DSTYK: variants seen among roughly 807,000 people sequenced by gnomAD.
DSTYK encodes dual serine/threonine and tyrosine protein kinase, also known as RIP-homologous kinase.
Under a neutral mutation model 98.7 loss-of-function variants are expected in DSTYK, and 34 were observed. That is an observed-to-expected ratio of 0.34 (90% CI 0.26 to 0.46). The LOEUF (loss-of-function observed/expected upper bound fraction) is 0.46. DSTYK is among the 20% of genes least tolerant of loss of function. The pLI is 1.00. For missense variants in DSTYK, 962 were observed against 1,181.7 expected (o/e 0.81, Z 2.73); for synonymous variants, 462 against 457.3 (o/e 1.01, Z -0.13).
chr1:205,154,056 CGTGT>C (rs34909035), intron 10 of DSTYK, among the ~76,000 whole-genome samples: 3,476 of 143,142 alleles, frequency 0.024, 87 homozygotes, highest in African/African-American at 0.069. Context: ...AGTATGCACA[CGTGT>C]GTGTGTGTGT....
Position 205,160,240 on chromosome 1 carries a change from C to T in DSTYK, c.1979G>A (p.Arg660Gln), listed in dbSNP as rs1035239987. ...CAGGTATACCACACCATACTGGCCCCGGCCCAGTTCCTGTCCCAGTTTAGG... is the reference window on the plus strand; with the variant it reads ...CAGGTATACCACACCATACTGGCCCTGGCCCAGTTCCTGTCCCAGTTTAGG... ...RKPKLGQELG[R>Q]GQYGVVYLCD... The change falls in exon 8 of 13, where the codon CGG (arginine) becomes CAG (glutamine). Residue 660 changes from arginine (R) to glutamine (Q), a missense_variant. Physicochemically the swap from Arg to Gln is conservative, Grantham distance 43. This residue lies in a region of DSTYK where 660 missense variants were observed against 855.0 expected (regional missense o/e 0.77). Transcript: ENST00000367162. 9 of 1,614,122 alleles carry T rather than the reference C, an allele frequency of 5.6e-6. No homozygotes were observed. The highest frequency in any genetic ancestry group is 1.1e-5 in the South Asian group (1 of 91,080).
At chr1:205,170,611 C>T (rs192284467) in intron 2 of DSTYK, among the ~76,000 whole-genome samples, 228 of 152,176 alleles carry the variant, frequency 1.5e-3, no homozygotes, top group African/African-American at 5.1e-3. Flanking sequence ...GTAGATATCC[C>T]GAAGTCTTAG....
At chr1:205,177,616 C>T (rs1237761763) in intron 2 of DSTYK, among the ~76,000 whole-genome samples, 1 of 152,122 alleles carries the variant, frequency 6.6e-6, no homozygotes, top group Non-Finnish European at 1.5e-5. Flanking sequence ...CCTGTAATCC[C>T]AGCACTTTGG....
chr1:205,148,838 A>G (rs1376825399), intron 11 of DSTYK, among the ~76,000 whole-genome samples: 2 of 152,146 alleles, frequency 1.3e-5, no homozygotes, highest in Non-Finnish European at 2.9e-5. Flanking sequence ...ACTGTAATAG[A>G]AACAATAAAA....
At chr1:205,200,192 G>A (rs1251746171) in intron 1 of DSTYK, among the ~76,000 whole-genome samples, 8 of 151,732 alleles carry the variant, frequency 5.3e-5, no homozygotes, top group African/African-American at 2.4e-5. Context: ...GCCTACCACC[G>A]CGACCAGATG....
chr1:205,209,883 T>TTTATTATTA lies in DSTYK; in HGVS notation c.265+1379_265+1387dup, dbSNP rs1424802830. Among the ~76,000 whole-genome samples, 140 of 149,170 alleles carry TTTATTATTA rather than the reference T, an allele frequency of 9.4e-4. 1 individual carries two copies. Among genetic ancestry groups the TTTATTATTA allele is most frequent in the African/African-American group, 3.4e-3 (135 of 39,980 alleles). ...ACCTGCATCACCTTCCCCAGTGTCT[T>TTTATTATTA]TTATTATTACTATTATTATTATTAT... On this transcript the variant is annotated intron_variant, in intron 1 of 12. Coordinates refer to ENST00000367162, the MANE Select transcript of DSTYK (RefSeq NM_015375.3).
chr1:205,182,685 GA>G (rs200394028), intron 2 of DSTYK, among the ~76,000 whole-genome samples: 3,587 of 151,600 alleles, frequency 0.024, 58 homozygotes, highest in East Asian at 0.068. Flanking sequence ...AGGCACCTGT[GA>G]TCCCAGATAC....
At chr1:205,180,014 T>G (rs1387910428) in intron 2 of DSTYK, among the ~76,000 whole-genome samples, 1 of 152,222 alleles carries the variant, frequency 6.6e-6, no homozygotes, top group African/African-American at 2.4e-5. Flanking sequence ...CTGTGACTGC[T>G]GTCAGATTTT....
chr1:205,163,029 A>C, intron 4 of DSTYK, 23 bp from the exon 5 acceptor site: 1 of 1,588,118 alleles, frequency 6.3e-7, no homozygotes, highest in Non-Finnish European at 8.6e-7. Flanking sequence ...ACGCCAAAGA[A>C]AACATGTCCT....
chr1:205,173,553 A>G (rs901980863), intron 2 of DSTYK, among the ~76,000 whole-genome samples: 4 of 152,196 alleles, frequency 2.6e-5, no homozygotes, highest in African/African-American at 9.6e-5. Flanking sequence ...CTAAATATTC[A>G]AAACCAAAGT....
intron 2 of DSTYK, among the ~76,000 whole-genome samples, chr1:205,170,629 A>C (rs1217522217): frequency 1.3e-5 from 2 of 152,180 alleles, no homozygotes; most frequent in Admixed American, 6.5e-5. Context: ...TAGCAACCTA[A>C]GTCTAAGAAA....
At chr1:205,202,208 T>C (rs921947282) in intron 1 of DSTYK, 1 of 572,776 alleles carries the variant, frequency 1.7e-6, no homozygotes, top group Non-Finnish European at 3.5e-6. Context: ...GCTATTCACT[T>C]GACCCAGAGA....
Position 205,160,313 on chromosome 1 carries a change from C to A in DSTYK, c.1949-43G>T, listed in dbSNP as rs757270071. On this transcript the variant is annotated intron_variant, in intron 7 of 12. Transcript: ENST00000367162. ...AGAGATAAGGCAGGAGGAATGGGAA[C>A]TTCGTGGGCAACCTCTGTAAGATTC... 5.8e-6 allele frequency: 9 copies of A among 1,549,956 alleles called. No individual in the cohort carries two copies. The East Asian group carries it at 1.6e-4, about 27-fold the overall frequency.
At chr1:205,179,116 G>C (rs1658318693) in intron 2 of DSTYK, among the ~76,000 whole-genome samples, 3 of 150,372 alleles carry the variant, frequency 2.0e-5, no homozygotes, top group Non-Finnish European at 4.4e-5. Flanking sequence ...GCGACAAAGT[G>C]AGATACTGTC....
At chr1:205,148,110 G>A in intron 12 of DSTYK, 95 bp downstream of exon 12, 2 of 1,484,844 alleles carry the variant, frequency 1.3e-6, no homozygotes, top group Non-Finnish European at 1.9e-6. Context: ...GCTATGGAGT[G>A]GCCAGATGGG....
chr1:205,150,349 T>C lies in DSTYK; in HGVS notation c.2467+331A>G, dbSNP rs1215898761. Among the ~76,000 whole-genome samples the C allele has an allele frequency of 6.6e-6, 1 of 152,216 alleles. No individual in the cohort carries two copies. The highest frequency in any genetic ancestry group is 2.4e-5 in the African/African-American group (1 of 41,446). On this transcript the variant is annotated intron_variant, in intron 11 of 12. Coordinates refer to ENST00000367162, the MANE Select transcript of DSTYK (RefSeq NM_015375.3). The surrounding 1 kb of genome is among the most constrained non-coding windows in gnomAD (Gnocchi z 4.1). ...TCTTAATATATCTCTATGTCAACGG[T>C]AAGTTCTTTAATGATAGAGGACAAC...
chr1:205,159,429 C>T, intron 9 of DSTYK, 118 bp downstream of exon 9: 1 of 1,250,240 alleles, frequency 8.0e-7, no homozygotes, highest in Non-Finnish European at 1.1e-6. Context: ...TGAAATAAAC[C>T]CTAATTACTC....
chr1:205,202,127 A>AGGGAAG (rs1033384076), intron 1 of DSTYK: 17 of 454,074 alleles, frequency 3.7e-5, no homozygotes, highest in South Asian at 1.1e-4. Context: ...GGGGAAGGGA[A>AGGGAAG]GGGAAGGGGA....
At chr1:205,162,884 T>C (rs1481657019) in intron 5 of DSTYK, 39 bp downstream of exon 5, 1 of 1,493,814 alleles carries the variant, frequency 6.7e-7, no homozygotes, top group East Asian at 2.3e-5. Context: ...TTGAGCCAAC[T>C]AGGGGCTTTG....
Sources: gnomAD v4.1 joint callset for allele counts (sites outside exome capture counted in the v4.1 genomes callset) on GRCh38, gnomAD v4.1.1 for gene constraint, gnomAD v4.1.1 regional missense constraint, Gnocchi (gnomAD v3.1) non-coding constraint, MANE v1.5 for transcripts, NCBI Gene and HGNC (gene_info 2026-07-23, HGNC 2026-07-21) for gene names.